Variants in MCTP1 observed in about 807,000 individuals in gnomAD.
The protein encoded by MCTP1 is multiple C2 and transmembrane domain-containing protein 1.
MCTP1 carries 69 observed loss-of-function variants against 120.6 expected under a neutral mutation model. The ratio of observed to expected loss-of-function variants is 0.57; its 90% CI spans 0.47 to 0.70. The LOEUF (loss-of-function observed/expected upper bound fraction) is 0.70, where lower values mean the gene tolerates loss of function less well. Among genes scored for constraint, MCTP1 ranks in the 30% least tolerant of loss-of-function variants. The pLI, the probability that MCTP1 is intolerant of heterozygous loss-of-function variation, is 0.00. For missense variants in MCTP1, 1,203 were observed against 1,248.8 expected (o/e 0.96, Z 0.55); for synonymous variants, 529 against 493.1 (o/e 1.07, Z -0.96).
intron 1 of MCTP1, among the ~76,000 whole-genome samples, chr5:95,214,205 G>C (rs1191032878): frequency 6.6e-6 from 1 of 152,236 alleles, no homozygotes; most frequent in Non-Finnish European, 1.5e-5. Context: ...GTAGGTGAAG[G>C]ATATGAACAG....
chr5:94,941,230 C>T (rs1817633826), intron 4 of MCTP1, among the ~76,000 whole-genome samples: 1 of 151,036 alleles, frequency 6.6e-6, no homozygotes, highest in African/African-American at 2.4e-5. Flanking sequence ...AAGAACAGTA[C>T]AGTCTATTCC....
intron 1 of MCTP1, among the ~76,000 whole-genome samples, chr5:95,171,489 A>T (rs1747283836): frequency 6.6e-6 from 1 of 152,180 alleles, no homozygotes; most frequent in African/African-American, 2.4e-5. Context: ...TCTCCTGGAT[A>T]ATATCCTGCA....
At chr5:95,117,518 T>C (rs545139748) in intron 1 of MCTP1, among the ~76,000 whole-genome samples, 1 of 151,046 alleles carries the variant, frequency 6.6e-6, no homozygotes, top group Middle Eastern at 3.4e-3. Flanking sequence ...AGAAACAACA[T>C]GTTGGCAAGG....
chr5:95,198,514 G>A (rs1219914635), intron 1 of MCTP1, among the ~76,000 whole-genome samples: 4 of 152,116 alleles, frequency 2.6e-5, no homozygotes, highest in African/African-American at 7.2e-5. Context: ...AATGTTCTAA[G>A]CATGTTTAAG....
intron 1 of MCTP1, among the ~76,000 whole-genome samples, chr5:95,234,641 T>G (rs1486387495): frequency 6.6e-6 from 1 of 152,190 alleles, no homozygotes; most frequent in Non-Finnish European, 1.5e-5. Flanking sequence ...AACATAGATA[T>G]TTAAAACTTA....
chr5:95,246,087 A>G (rs1196780761), intron 1 of MCTP1, among the ~76,000 whole-genome samples: 2 of 152,184 alleles, frequency 1.3e-5, no homozygotes, highest in African/African-American at 4.8e-5. Flanking sequence ...TAAGCTTCCT[A>G]AGTGAAGGAG....
intron 17 of MCTP1, 82 bp downstream of exon 17, chr5:94,868,251 C>T (rs1797190012): frequency 7.5e-7 from 1 of 1,338,306 alleles, no homozygotes; most frequent in Non-Finnish European, 9.9e-7. Context: ...ATCAACATAA[C>T]TGTTACTATA....
Position 94,944,317 on chromosome 5 carries a change from T to C in MCTP1, c.982-1890A>G, listed in dbSNP as rs1235589285. Among the ~76,000 whole-genome samples the C allele has an allele frequency of 2.0e-5, 3 of 152,254 alleles. No individual in the cohort carries two copies. The East Asian group carries it at 5.8e-4, about 29-fold the overall frequency. ...TGCAATAAATATTCTCCTTGATCAA[T>C]TACACTTCTGAGCTTTAGTCATCTG... On this transcript the variant is annotated intron_variant, in intron 3 of 22. Transcript: ENST00000515393.
intron 1 of MCTP1, among the ~76,000 whole-genome samples, chr5:95,159,250 T>C (rs1229801951): frequency 6.6e-6 from 1 of 152,200 alleles, no homozygotes; most frequent in Non-Finnish European, 1.5e-5. Flanking sequence ...AATGATTGAC[T>C]TCAAATCCTA....
Position 94,868,348 on chromosome 5 carries a change from A to T in MCTP1, c.2421T>A (p.Ser807Arg), listed in dbSNP as rs760949215. The change falls in exon 17 of 23, where the codon AGT becomes AGA. Residue 807 changes from serine (S) to arginine (R), a missense_variant. By Grantham distance (110) the Ser-to-Arg change is moderately radical. Transcript: ENST00000515393. ...SCFDWDSPPR[S>R]LAAFVLFLFV... ...ATGATCATACCACAAAAGCAGCGAG[A>T]CTCCTTGGGGGTGAATCCCAATCAA... is the stretch of plus-strand genomic sequence containing the variant. The T allele has an allele frequency of 6.2e-7, 1 of 1,600,274 alleles. No homozygotes were observed. Among genetic ancestry groups the T allele is most frequent in the East Asian group, 2.3e-5 (1 of 44,140 alleles).
intron 1 of MCTP1, among the ~76,000 whole-genome samples, chr5:95,030,881 T>C (rs1442552928): frequency 1.3e-5 from 2 of 151,884 alleles, no homozygotes; most frequent in African/African-American, 4.8e-5. Flanking sequence ...AACTCAGTGA[T>C]ATCCAATAGA....
Position 95,168,805 on chromosome 5 carries a change from A to G in MCTP1, c.720+115051T>C, listed in dbSNP as rs565579297. On this transcript the variant is annotated intron_variant, in intron 1 of 22. Coordinates refer to ENST00000515393, the MANE Select transcript of MCTP1 (RefSeq NM_024717.7). ...GCTTAAGGAGATTTTGGGCTGAGAC[A>G]ATGGGGTTTTCTAAATATACAATCA... 2.0e-3 allele frequency among the ~76,000 whole-genome samples: 299 copies of G among 152,226 alleles called. 1 individual carries two copies. The highest frequency in any genetic ancestry group is 6.8e-3 in the African/African-American group (281 of 41,534).
At chr5:95,092,093 T>C (rs1225335771) in intron 1 of MCTP1, among the ~76,000 whole-genome samples, 1 of 152,230 alleles carries the variant, frequency 6.6e-6, no homozygotes, top group Non-Finnish European at 1.5e-5. Flanking sequence ...TTTCTGATAA[T>C]GTGGAAATTA....
intron 1 of MCTP1, among the ~76,000 whole-genome samples, chr5:95,074,942 C>G (rs1337009781): frequency 2.0e-5 from 3 of 152,188 alleles, no homozygotes; most frequent in East Asian, 3.8e-4. Flanking sequence ...ATGACAGCAA[C>G]CCCATGCCCA....
At chr5:94,891,770 A>G (rs1170016377) in intron 11 of MCTP1, among the ~76,000 whole-genome samples, 2 of 151,334 alleles carry the variant, frequency 1.3e-5, no homozygotes, top group Non-Finnish European at 2.9e-5. Flanking sequence ...AAATAAATAA[A>G]TAAATAAATA....
chr5:95,023,289 G>T (rs566889801), intron 1 of MCTP1, among the ~76,000 whole-genome samples: 2 of 152,308 alleles, frequency 1.3e-5, no homozygotes, highest in African/African-American at 4.8e-5. Context: ...CTGTAAGAGG[G>T]ATGAGAGTAG....
chr5:95,268,323 T>C (rs1012415554), intron 1 of MCTP1, among the ~76,000 whole-genome samples: 24 of 152,324 alleles, frequency 1.6e-4, no homozygotes, highest in African/African-American at 9.6e-5. Context: ...TGGTACTTAA[T>C]TGGAAGGAGA....
At chr5:95,197,195 A>G (rs889659407) in intron 1 of MCTP1, among the ~76,000 whole-genome samples, 1 of 152,222 alleles carries the variant, frequency 6.6e-6, no homozygotes, top group African/African-American at 2.4e-5. Context: ...CACTGAGGAA[A>G]TTAAACTGAG....
intron 2 of MCTP1, among the ~76,000 whole-genome samples, chr5:94,987,984 T>C (rs1482240301): frequency 6.6e-6 from 1 of 152,188 alleles, no homozygotes; most frequent in African/African-American, 2.4e-5. Context: ...AATAAACTTA[T>C]TTTTTCTCTG....
Sources: gnomAD v4.1 joint callset for allele counts (sites outside exome capture counted in the v4.1 genomes callset) on GRCh38, gnomAD v4.1.1 for gene constraint, MANE v1.5 for transcripts, NCBI Gene and HGNC (gene_info 2026-07-23, HGNC 2026-07-21) for gene names.